TAFA2: variants seen among roughly 807,000 people sequenced by gnomAD.
TAFA2 encodes the protein TAFA chemokine like family member 2.
Under a neutral mutation model 18.8 loss-of-function variants are expected in TAFA2, and 7 were observed. The ratio of observed to expected loss-of-function variants is 0.37; its 90% CI spans 0.21 to 0.70. TAFA2 has a LOEUF of 0.70. Among genes scored for constraint, TAFA2 ranks in the 30% least tolerant of loss-of-function variants. The probability of loss-of-function intolerance (pLI) is 0.53; values close to 1 mark genes in which losing one functional copy is unlikely to be tolerated. For synonymous variants in TAFA2, 60 were observed against 54.2 expected (o/e 1.11, Z -0.47); for missense variants, 122 against 158.1 (o/e 0.77, Z 1.23).
intron 1 of TAFA2, among the ~76,000 whole-genome samples, chr12:62,108,162 A>C (rs569870550): frequency 6.7e-5 from 10 of 148,278 alleles, no homozygotes; most frequent in Admixed American, 2.7e-4. Context: ...AACAGGCCCC[A>C]GTGTGTGATG....
chr12:62,147,330 A>ATATATATATATATATGTG (rs1565760165), intron 1 of TAFA2, among the ~76,000 whole-genome samples: 1 of 20,866 alleles, frequency 4.8e-5, no homozygotes. Context: ...ATGTATGTAT[A>ATATATATATATATATGTG]TATATATATA....
At chr12:62,177,510 C>T (rs1320091876) in intron 1 of TAFA2, among the ~76,000 whole-genome samples, 2 of 152,202 alleles carry the variant, frequency 1.3e-5, no homozygotes, top group South Asian at 2.1e-4. Context: ...GAGATCTCAA[C>T]CATTCAGAGG....
chr12:62,009,972 C>A (rs4965015), intron 1 of TAFA2, among the ~76,000 whole-genome samples: 29,474 of 152,110 alleles, frequency 0.19, 3,097 homozygotes, highest in African/African-American at 0.27. Context: ...TACTCCCCTG[C>A]CAGAAAAGAA....
At chr12:62,113,808 T>C (rs9668865) in intron 1 of TAFA2, among the ~76,000 whole-genome samples, 34,092 of 152,042 alleles carry the variant, frequency 0.22, 4,203 homozygotes, top group East Asian at 0.37. Flanking sequence ...AAAAACCACC[T>C]ACTCAAGCCT....
chr12:61,935,393 G>A (rs1487840889), intron 1 of TAFA2, among the ~76,000 whole-genome samples: 1 of 152,030 alleles, frequency 6.6e-6, no homozygotes, highest in Non-Finnish European at 1.5e-5. Flanking sequence ...AGACCAAATT[G>A]CCATTTAATC....
intron 4 of TAFA2, among the ~76,000 whole-genome samples, chr12:61,716,831 T>C (rs1235253406): frequency 6.6e-6 from 1 of 152,180 alleles, no homozygotes; most frequent in Non-Finnish European, 1.5e-5. Flanking sequence ...AATGTGGTAA[T>C]ACTTCTAAGA....
intron 1 of TAFA2, among the ~76,000 whole-genome samples, chr12:62,188,033 T>G (rs2062597501): frequency 6.6e-6 from 1 of 152,168 alleles, no homozygotes; most frequent in East Asian, 1.9e-4. Flanking sequence ...ATGTGAAATT[T>G]TGTGTAAGCA....
chr12:62,068,670 T>C (rs1882553159), intron 1 of TAFA2, among the ~76,000 whole-genome samples: 1 of 152,084 alleles, frequency 6.6e-6, no homozygotes, highest in Admixed American at 6.6e-5. Context: ...AATTTACAAA[T>C]ATAATTCAAA....
chr12:61,941,745 C>A (rs1033548677), intron 1 of TAFA2, among the ~76,000 whole-genome samples: 1 of 152,174 alleles, frequency 6.6e-6, no homozygotes, highest in Non-Finnish European at 1.5e-5. Flanking sequence ...CTTTTCAGAC[C>A]GGCTTAAAAA....
chr12:61,879,543 C>A, intron 1 of TAFA2: 2 of 727,850 alleles, frequency 2.7e-6, no homozygotes, highest in South Asian at 3.0e-5. Flanking sequence ...TGCTGAGGCC[C>A]CTTAACCTGG....
At chr12:62,032,267 A>G (rs1420992737) in intron 1 of TAFA2, among the ~76,000 whole-genome samples, 1 of 152,180 alleles carries the variant, frequency 6.6e-6, no homozygotes, top group Non-Finnish European at 1.5e-5. Flanking sequence ...AGGGTACAGG[A>G]AAGGACTTCA....
At chr12:62,120,741 C>A (rs1318731672) in intron 1 of TAFA2, among the ~76,000 whole-genome samples, 2 of 152,126 alleles carry the variant, frequency 1.3e-5, no homozygotes, top group African/African-American at 4.8e-5. Context: ...TGTTCTATCT[C>A]TTTATGCACT....
At chr12:62,184,564 G>A (rs962211408) in intron 1 of TAFA2, among the ~76,000 whole-genome samples, 6 of 143,094 alleles carry the variant, frequency 4.2e-5, no homozygotes, top group Non-Finnish European at 4.5e-5. Flanking sequence ...TGTGATCACA[G>A]CTCAATGCAG....
At chr12:62,252,868 A>C (rs1158022102) in intron 1 of TAFA2, 1 of 152,174 alleles carries the variant, frequency 6.6e-6, no homozygotes, top group Non-Finnish European at 1.5e-5. Flanking sequence ...AACACTCCAT[A>C]AGTATGGTGG....
chr12:61,971,778 C>T (rs1052150948), intron 1 of TAFA2, among the ~76,000 whole-genome samples: 18 of 150,480 alleles, frequency 1.2e-4, no homozygotes, highest in South Asian at 8.4e-4. Flanking sequence ...ATGTAAATGA[C>T]GAGTTAATGG....
intron 4 of TAFA2, among the ~76,000 whole-genome samples, chr12:61,728,979 T>G (rs1870310814): frequency 6.6e-6 from 1 of 152,110 alleles, no homozygotes; most frequent in Admixed American, 6.6e-5. Flanking sequence ...AAAAATGCTT[T>G]ATCTTTCCTT....
At chr12:61,900,742 G>T (rs1876062568) in intron 1 of TAFA2, among the ~76,000 whole-genome samples, 1 of 152,162 alleles carries the variant, frequency 6.6e-6, no homozygotes, top group African/African-American at 2.4e-5. Context: ...GATGAGATTT[G>T]GGTGGGGATA....
At chr12:62,157,450 A>T (rs534427765) in intron 1 of TAFA2, among the ~76,000 whole-genome samples, 1 of 152,298 alleles carries the variant, frequency 6.6e-6, no homozygotes, top group African/African-American at 2.4e-5. Context: ...GTGTCAGAGT[A>T]GTCAGGAATC....
chr12:61,794,530 T>G (rs1394379001), intron 2 of TAFA2, among the ~76,000 whole-genome samples: 2 of 152,072 alleles, frequency 1.3e-5, no homozygotes, highest in Non-Finnish European at 2.9e-5. Flanking sequence ...AAGATCTAAA[T>G]CAATGAATAG....
Sources: gnomAD v4.1 joint callset for allele counts (sites outside exome capture counted in the v4.1 genomes callset) on GRCh38, gnomAD v4.1.1 for gene constraint, MANE v1.5 for transcripts, NCBI Gene and HGNC (gene_info 2026-07-23, HGNC 2026-07-21) for gene names.